The following MPZL3 variants were observed in gnomAD, a reference collection of about 807,000 sequenced individuals.
The protein encoded by MPZL3 is myelin protein zero-like protein 3.
Under a neutral mutation model 24.8 loss-of-function variants are expected in MPZL3, and 23 were observed. The observed-to-expected ratio is 0.93, with a 90% CI of 0.67 to 1.31. The LOEUF is 1.31. Among genes scored for constraint, MPZL3 ranks in the 40% most tolerant of loss-of-function variants. The pLI, the probability that MPZL3 is intolerant of heterozygous loss-of-function variation, is 0.00. For synonymous variants in MPZL3, 99 were observed against 106.5 expected, an observed-to-expected ratio of 0.93 and a Z score of 0.44; for missense variants, 277 against 294.9, an observed-to-expected ratio of 0.94 and a Z score of 0.44.
Position 118,252,315 on chromosome 11 carries a change from T to C in MPZL3, c.-21A>G. 1 of 1,612,042 alleles carries C rather than the reference T, an allele frequency of 6.2e-7. No individual in the cohort carries two copies. Among genetic ancestry groups the C allele is most frequent in the Non-Finnish European group, 8.5e-7 (1 of 1,178,486 alleles). ...TGCATCCCGGCAGCTCTTCAGATGC[T>C]TGCACACCTTGTTTACAGCTCCCGG... On this transcript the variant is annotated 5_prime_UTR_variant, in exon 1 of 6. Coordinates refer to ENST00000278949, the MANE Select transcript of MPZL3 (RefSeq NM_198275.3).
chr11:118,233,510 C>T lies in MPZL3; in HGVS notation c.631G>A (p.Glu211Lys). 1 of 1,613,886 alleles carries T rather than the reference C, an allele frequency of 6.2e-7. No homozygotes were observed. Among genetic ancestry groups the T allele is most frequent in the Non-Finnish European group, 8.5e-7 (1 of 1,179,870 alleles). ...IEVSDDTDQEEEEACMARLCV... is the reference protein window; with the variant it reads ...IEVSDDTDQEKEEACMARLCV... ...AGCCTCGCCATACACGCCTCTTCCT[C>T]CTCCTGATCAGTGCTGTAAAAAGAG... is the stretch of plus-strand genomic sequence containing the variant. The change falls in exon 5 of 6, where the codon GAG becomes AAG. Residue 211 changes from glutamate to lysine, a missense_variant. Physicochemically the swap from Glu to Lys is moderately conservative, Grantham distance 56. Coordinates refer to ENST00000278949, the MANE Select transcript of MPZL3 (RefSeq NM_198275.3).
intron 2 of MPZL3, among the ~76,000 whole-genome samples, chr11:118,237,856 G>C (rs1271585509): frequency 6.6e-6 from 1 of 152,156 alleles, no homozygotes; most frequent in African/African-American, 2.4e-5. Context: ...AGGGAAACAG[G>C]CTGGTCATGG....
In MPZL3 at chr11:118,227,714, G is replaced by A. The variant is rs962023784; in HGVS notation, c.*2180C>T. The A allele has an allele frequency of 6.6e-6, 1 of 152,232 alleles. No individual in the cohort carries two copies. The highest frequency in any genetic ancestry group is 1.5e-5 in the Non-Finnish European group (1 of 68,042). 9.4% of individuals were successfully genotyped at this position (152,232 alleles called of 1,614,324 possible). On this transcript the variant is annotated 3_prime_UTR_variant, in exon 6 of 6. Coordinates refer to ENST00000278949, the MANE Select transcript of MPZL3 (RefSeq NM_198275.3). ...CAATTACCTCAAGTTTAGACTAGGT[G>A]TCAATCTACAAACATACTACCCTGC...
chr11:118,244,298 T>C (rs112068726), intron 1 of MPZL3, among the ~76,000 whole-genome samples: 4 of 152,334 alleles, frequency 2.6e-5, no homozygotes, highest in African/African-American at 9.6e-5. Context: ...ATACTTGAAA[T>C]ACAGCAGAAG....
At chr11:118,252,126 G>A (rs769218752) in intron 1 of MPZL3, 96 bp downstream of exon 1, 2 of 1,231,280 alleles carry the variant, frequency 1.6e-6, no homozygotes, top group African/African-American at 1.5e-5. Flanking sequence ...AGCTATGCGG[G>A]GGCTTTCTGG....
At chr11:118,243,403 T>C (rs1280194923) in intron 1 of MPZL3, among the ~76,000 whole-genome samples, 1 of 152,182 alleles carries the variant, frequency 6.6e-6, no homozygotes, top group East Asian at 1.9e-4. Flanking sequence ...GGATGTGGTG[T>C]CCCTTTTCCT....
chr11:118,239,498 G>C (rs1422104682), intron 2 of MPZL3, among the ~76,000 whole-genome samples: 2 of 152,100 alleles, frequency 1.3e-5, no homozygotes, highest in Non-Finnish European at 2.9e-5. Flanking sequence ...CATCTATCCT[G>C]AGCTAAGGAT....
chr11:118,243,340 G>A (rs1291998545), intron 1 of MPZL3, among the ~76,000 whole-genome samples: 1 of 152,042 alleles, frequency 6.6e-6, no homozygotes, highest in African/African-American at 2.4e-5. Flanking sequence ...CATATAAACG[G>A]CCCAGGCACA....
intron 1 of MPZL3, among the ~76,000 whole-genome samples, chr11:118,244,399 T>C (rs890352571): frequency 6.6e-6 from 1 of 152,206 alleles, no homozygotes; most frequent in African/African-American, 2.4e-5. Context: ...AAAGTGGCTA[T>C]GGGTACGGCC....
intron 2 of MPZL3, among the ~76,000 whole-genome samples, chr11:118,238,401 A>C (rs1164640407): frequency 6.6e-6 from 1 of 152,232 alleles, no homozygotes; most frequent in African/African-American, 2.4e-5. Flanking sequence ...CAGACACTTC[A>C]TCACCAAAAG....
At chr11:118,234,725 G>GCACA (rs55955314) in intron 4 of MPZL3, among the ~76,000 whole-genome samples, 45 of 150,272 alleles carry the variant, frequency 3.0e-4, no homozygotes, top group South Asian at 1.9e-3. Flanking sequence ...TTAAATAAAT[G>GCACA]CACACACACA....
At chr11:118,249,415 A>T (rs1323794961) in intron 1 of MPZL3, among the ~76,000 whole-genome samples, 1 of 152,204 alleles carries the variant, frequency 6.6e-6, no homozygotes, top group Non-Finnish European at 1.5e-5. Context: ...CTCATAAAAA[A>T]AATACCAATC....
rs541684965 is a variant in MPZL3, at chr11:118,236,495, A to G, written c.451+555T>C. ...CCTCTAAATCTTTAGCTCAAATCCAATTAAGGACTAGCATGACCACTTAAT... is the reference window on the plus strand; with the variant it reads ...CCTCTAAATCTTTAGCTCAAATCCAGTTAAGGACTAGCATGACCACTTAAT... On this transcript the variant is annotated intron_variant, in intron 3 of 5. Coordinates refer to ENST00000278949, the MANE Select transcript of MPZL3 (RefSeq NM_198275.3). 2.0e-4 allele frequency among the ~76,000 whole-genome samples: 31 copies of G among 152,280 alleles called. No homozygotes were observed. The South Asian group carries it at 4.8e-3, about 23-fold the overall frequency.
At position 118,235,505 on chromosome 11, in the gene MPZL3, A is replaced by T. The variant is rs149036884; in HGVS notation, c.536T>A (p.Val179Glu). 3.1e-6 allele frequency: 5 copies of T among 1,613,746 alleles called. No homozygotes were observed. The highest frequency in any genetic ancestry group is 4.2e-6 in the Non-Finnish European group (5 of 1,179,944). The change falls in exon 4 of 6, where the codon GTG (valine) becomes GAG (glutamate). Residue 179 changes from valine to glutamate, a missense_variant. Val to Glu is a moderately radical substitution (Grantham distance 121, BLOSUM62 -2). Transcript: ENST00000278949. ...PSAVVVALLLVRMGRKAAGLK... is the reference protein window; with the variant it reads ...PSAVVVALLLERMGRKAAGLK... Reference sequence around the variant, plus strand: ...CCCAGCAGCCTTCCTCCCCATTCTCACCAGCAGCAGAGCAACCACCACGGC... The same window carrying T: ...CCCAGCAGCCTTCCTCCCCATTCTCTCCAGCAGCAGAGCAACCACCACGGC...
intron 2 of MPZL3, among the ~76,000 whole-genome samples, chr11:118,239,179 C>G (rs1194452917): frequency 6.6e-6 from 1 of 152,126 alleles, no homozygotes; most frequent in Non-Finnish European, 1.5e-5. Context: ...CTACTTTTTA[C>G]CAAGGAGGCA....
chr11:118,245,001 G>A (rs1358909600), intron 1 of MPZL3, among the ~76,000 whole-genome samples: 2 of 152,236 alleles, frequency 1.3e-5, no homozygotes, highest in African/African-American at 2.4e-5. Flanking sequence ...GCATGAACCT[G>A]GGAGGCAGAG....
At chr11:118,236,850 G>C (rs1397527227) in intron 3 of MPZL3, among the ~76,000 whole-genome samples, 200 bp downstream of exon 3, 1 of 152,126 alleles carries the variant, frequency 6.6e-6, no homozygotes, top group East Asian at 1.9e-4. Flanking sequence ...AATTTGGAGA[G>C]AAAATTCAGT....
chr11:118,234,923 A>C (rs1949403225), intron 4 of MPZL3, among the ~76,000 whole-genome samples: 1 of 152,094 alleles, frequency 6.6e-6, no homozygotes, highest in African/African-American at 2.4e-5. Context: ...ATAATGTTTA[A>C]TAAATCTTTT....
intron 1 of MPZL3, among the ~76,000 whole-genome samples, chr11:118,249,042 T>TTTTG (rs10657996): frequency 0.78 from 117,682 of 151,334 alleles, 46,298 homozygotes; most frequent in African/African-American, 0.9. Context: ...TCGGTTTGTT[T>TTTTG]TTTGTTTGTT....
Sources: allele counts gnomAD v4.1 joint callset (sites outside exome capture counted in the v4.1 genomes callset), GRCh38; gene constraint gnomAD v4.1.1; transcripts MANE v1.5; gene names NCBI Gene and HGNC (gene_info 2026-07-23, HGNC 2026-07-21).